Variants in NFILZ observed in about 807,000 individuals in gnomAD.
The protein encoded by NFILZ is NFIL3 like basic leucine zipper.
chr19:8,678,956 G>C lies in NFILZ; in HGVS notation c.*1321G>C, dbSNP rs1340467022. 2.0e-5 allele frequency among the ~76,000 whole-genome samples: 3 copies of C among 152,168 alleles called. No individual in the cohort carries two copies. The highest frequency in any genetic ancestry group is 2.0e-4 in the Admixed American group (3 of 15,272). The stretch of plus-strand genomic sequence containing the variant: ...AAACATACTGAAGACCAGACTGAAG[G>C]AGGAGGTAACGTCTAGGGTGTCTGA... On this transcript the variant is annotated 3_prime_UTR_variant, in exon 6 of 6. Transcript: ENST00000691075.
At chr19:8,659,753 C>T (rs1163035118) in intron 3 of NFILZ, among the ~76,000 whole-genome samples, 2 of 152,122 alleles carry the variant, frequency 1.3e-5, no homozygotes, top group Non-Finnish European at 2.9e-5. Flanking sequence ...TCACAGGCTC[C>T]AATTCGTGCC....
Position 8,669,627 on chromosome 19 carries a change from G to T in NFILZ, c.-163-4924G>T, listed in dbSNP as rs370956531. ...AGGTGCTATGCAAACTCAAAACTGT[G>T]TCCTCACTGAAACAAGTGGAAGTAT... On this transcript the variant is annotated intron_variant, in intron 3 of 5. Coordinates refer to ENST00000691075, the MANE Select transcript of NFILZ (RefSeq NM_001378600.1). Among the ~76,000 whole-genome samples, 3 of 152,156 alleles carry T rather than the reference G, an allele frequency of 2.0e-5. No homozygotes were observed. In the East Asian group the frequency reaches 5.8e-4, roughly 29 times the overall value.
In NFILZ at chr19:8,647,748, AAC is replaced by A. The variant is rs138740763; in HGVS notation, c.-164+12023_-164+12024del. Among the ~76,000 whole-genome samples, 449 of 136,768 alleles carry A rather than the reference AAC, an allele frequency of 3.3e-3. 2 individuals carry two copies. The highest frequency in any genetic ancestry group is 7.0e-3 in the African/African-American group (259 of 37,060). 89.7% of individuals were successfully genotyped at this position (136,768 alleles called of 152,430 possible). ...AACACATGGACACAGGGAGGGGAAC[AAC>A]ACACACACACACACACACACGCACA... On this transcript the variant is annotated intron_variant, in intron 3 of 5. Transcript: ENST00000691075.
intron 3 of NFILZ, among the ~76,000 whole-genome samples, chr19:8,669,010 T>A (rs1400878925): frequency 2.6e-5 from 4 of 152,196 alleles, no homozygotes; most frequent in African/African-American, 7.2e-5. Context: ...AGTGGTGCAA[T>A]CTCGGCTCAC....
In NFILZ at chr19:8,663,750, G is replaced by GTGTGTGTGTGTGTGTGTGTGTATGTGTA. The variant is rs1568423390; in HGVS notation, c.-163-10776_-163-10775insGTATGTGTGTGTGTGTGTGTGTGTATGT. 1.4e-3 allele frequency among the ~76,000 whole-genome samples: 189 copies of GTGTGTGTGTGTGTGTGTGTGTATGTGTA among 137,058 alleles called. 8 individuals carry two copies. Among genetic ancestry groups the GTGTGTGTGTGTGTGTGTGTGTATGTGTA allele is most frequent in the South Asian group, 0.012 (52 of 4,242 alleles). 89.9% of individuals were successfully genotyped at this position (137,058 alleles called of 152,430 possible). On this transcript the variant is annotated intron_variant, in intron 3 of 5. Coordinates refer to ENST00000691075, the MANE Select transcript of NFILZ (RefSeq NM_001378600.1). Reference sequence around the variant, plus strand: ...TGTGTGTGTGTGTGTGTGTGTGTGTGTGTGTGTGTGTGTGTGTGTGTATGT... The same window carrying GTGTGTGTGTGTGTGTGTGTGTATGTGTA: ...TGTGTGTGTGTGTGTGTGTGTGTGTGTGTGTGTGTGTGTGTGTGTGTATGTGTATGTGTGTGTGTGTGTGTGTGTATGT...
In NFILZ at chr19:8,656,260, T is replaced by C. The variant is rs201981789; in HGVS notation, c.-163-18291T>C. On this transcript the variant is annotated intron_variant, in intron 3 of 5. Coordinates refer to ENST00000691075, the MANE Select transcript of NFILZ (RefSeq NM_001378600.1). The stretch of plus-strand genomic sequence containing the variant: ...CCTCCTGCCTTCTCCACGCAGCCCA[T>C]CTTCTCTCTGAAGCCCACCTTCTCC... Among the ~76,000 whole-genome samples, 139 of 15,240 alleles carry C rather than the reference T, an allele frequency of 9.1e-3. 2 individuals are homozygous for C. The highest frequency in any genetic ancestry group is 0.016 in the Non-Finnish European group (83 of 5,108). 10.0% of individuals were successfully genotyped at this position (15,240 alleles called of 152,430 possible). A position where few individuals can be genotyped will look rare whatever the true frequency, so the allele number is the denominator to read the frequency against.
chr19:8,658,695 TCAA>T (rs2043016160), intron 3 of NFILZ, among the ~76,000 whole-genome samples: 1 of 151,652 alleles, frequency 6.6e-6, no homozygotes, highest in Admixed American at 6.6e-5. Context: ...ATTCATTCAT[TCAA>T]CAAGTATTTA....
intron 3 of NFILZ, among the ~76,000 whole-genome samples, chr19:8,656,373 C>CTGCAGCCCACCTTCTCT (rs2042997908): frequency 0.021 from 1,544 of 72,048 alleles, 39 homozygotes; most frequent in Non-Finnish European, 0.036. Flanking sequence ...CCACCTTCTC[C>CTGCAGCCCACCTTCTCT]CTGAAGCCCA....
intron 3 of NFILZ, among the ~76,000 whole-genome samples, chr19:8,639,647 G>A (rs1236904515): frequency 6.6e-6 from 1 of 151,894 alleles, no homozygotes; most frequent in Non-Finnish European, 1.5e-5. Flanking sequence ...CTTTTACCCT[G>A]GGATGTGTTG....
chr19:8,670,721 G>A (rs782392713), intron 3 of NFILZ, among the ~76,000 whole-genome samples: 19 of 152,074 alleles, frequency 1.2e-4, no homozygotes, highest in Non-Finnish European at 2.4e-4. Context: ...ATGGCCAGGC[G>A]CTCTGGCTCA....
At chr19:8,638,444 G>C (rs953225985) in intron 3 of NFILZ, 2 of 152,178 alleles carry the variant, frequency 1.3e-5, no homozygotes, top group Non-Finnish European at 2.9e-5. Context: ...AGGACTGTGG[G>C]GCCTTGGGCG....
At chr19:8,672,255 G>T (rs1210590620) in intron 3 of NFILZ, among the ~76,000 whole-genome samples, 1 of 149,576 alleles carries the variant, frequency 6.7e-6, no homozygotes, top group African/African-American at 2.5e-5. Context: ...AATAATCCAG[G>T]CATTTATTAG....
At chr19:8,633,915 C>CTTCCTTCT (rs1430896922) in intron 2 of NFILZ, among the ~76,000 whole-genome samples, 3 of 145,918 alleles carry the variant, frequency 2.1e-5, no homozygotes, top group African/African-American at 7.6e-5. Flanking sequence ...TCCTTCCTTC[C>CTTCCTTCT]TTCCTTCCTT....
At chr19:8,635,939 C>T (rs374956130) in intron 3 of NFILZ, among the ~76,000 whole-genome samples, 193 bp downstream of exon 3, 1 of 152,124 alleles carries the variant, frequency 6.6e-6, no homozygotes, top group East Asian at 1.9e-4. Context: ...TGGGCTCAAG[C>T]TATTTTCCTG....
chr19:8,632,254 G>GTA, intron 1 of NFILZ, among the ~76,000 whole-genome samples: 1 of 151,508 alleles, frequency 6.6e-6, no homozygotes, highest in East Asian at 1.9e-4. Context: ...CAGTGTGTGT[G>GTA]TGTGTGTGTG....
intron 3 of NFILZ, among the ~76,000 whole-genome samples, chr19:8,658,335 C>T (rs1456072301): frequency 6.6e-6 from 1 of 152,070 alleles, no homozygotes; most frequent in Non-Finnish European, 1.5e-5. Flanking sequence ...ATATTTGGGG[C>T]CAGGCAGTCT....
chr19:8,657,059 G>C, intron 3 of NFILZ, among the ~76,000 whole-genome samples: 1 of 152,024 alleles, frequency 6.6e-6, no homozygotes, highest in Non-Finnish European at 1.5e-5. Context: ...CTGTTGAAAG[G>C]AGTCTTGTTC....
At chr19:8,651,124 C>A (rs190838335) in intron 3 of NFILZ, among the ~76,000 whole-genome samples, 51 of 151,996 alleles carry the variant, frequency 3.4e-4, no homozygotes, top group Non-Finnish European at 6.6e-4. Flanking sequence ...GTGTTAGGAA[C>A]GTTTCAATTA....
intron 3 of NFILZ, among the ~76,000 whole-genome samples, chr19:8,659,055 G>A (rs1555748771): frequency 6.6e-6 from 1 of 152,068 alleles, no homozygotes; most frequent in African/African-American, 2.4e-5. Flanking sequence ...AGACCGGCCT[G>A]GCCAACATGG....
Sources: allele counts gnomAD v4.1 joint callset (sites outside exome capture counted in the v4.1 genomes callset), GRCh38; gene constraint gnomAD v4.1.1; transcripts MANE v1.5; gene names NCBI Gene and HGNC (gene_info 2026-07-23, HGNC 2026-07-21).